The following COL4A4 variants were observed in gnomAD, a reference collection of about 807,000 sequenced individuals.
COL4A4 encodes collagen type IV alpha 4 chain.
In COL4A4, 105 loss-of-function variants were observed where a neutral mutation model predicts 192.9. The observed-to-expected ratio is 0.54, with a 90% CI of 0.46 to 0.64. The LOEUF is 0.64. COL4A4 is among the 30% of genes least tolerant of loss of function. The pLI is 0.00. For missense variants in COL4A4, 1,967 were observed against 2,169.3 expected (o/e 0.91, Z 1.85); for synonymous variants, 762 against 769.9 (o/e 0.99, Z 0.17).
At chr2:227,152,705 G>C (rs1353925763) in intron 1 of COL4A4, among the ~76,000 whole-genome samples, 1 of 152,162 alleles carries the variant, frequency 6.6e-6, no homozygotes, top group African/African-American at 2.4e-5. Context: ...TTTCTTTGTT[G>C]CAACCACCTG....
At chr2:227,144,015 G>A (rs1234918741) in intron 3 of COL4A4, among the ~76,000 whole-genome samples, 2 of 152,216 alleles carry the variant, frequency 1.3e-5, no homozygotes, top group Non-Finnish European at 2.9e-5. Context: ...ATAGGGTTAT[G>A]TTCACTAGAG....
intron 36 of COL4A4, 113 bp from the exon 37 acceptor site, chr2:227,042,368 T>A: frequency 1.4e-6 from 1 of 696,422 alleles, no homozygotes; most frequent in Non-Finnish European, 2.6e-6. Context: ...GTCTAATTAC[T>A]TTTTCTTCCT....
chr2:227,164,471 G>A (rs912546216), upstream of COL4A4: 4 of 567,596 alleles, frequency 7.0e-6, no homozygotes, highest in East Asian at 3.2e-5. This position sits in a 1 kb window ranked among gnomAD's most constrained non-coding sequence, Gnocchi z 4.8. Flanking sequence ...GGGTAGAAGG[G>A]ACACTGCCTG....
chr2:227,108,068 T>C (rs2060965623), intron 12 of COL4A4, among the ~76,000 whole-genome samples: 1 of 152,130 alleles, frequency 6.6e-6, no homozygotes. Context: ...TAAATCACTT[T>C]TCTAAAGCTT....
the COL4A4 span, chr2:226,988,464 G>A: frequency 6.5e-7 from 1 of 1,547,856 alleles, no homozygotes; most frequent in African/African-American, 1.4e-5. Context: ...CTTTGAGGCT[G>A]CAGGGTCCCT....
chr2:227,001,824 T>TTCTC (rs1173762021), downstream of COL4A4, among the ~76,000 whole-genome samples: 1 of 152,080 alleles, frequency 6.6e-6, no homozygotes, highest in African/African-American at 2.4e-5. Context: ...GTACCCTTAT[T>TTCTC]TCTCTATCAG....
At chr2:227,114,822 A>G in intron 7 of COL4A4, 126 bp from the exon 8 acceptor site, 1 of 760,832 alleles carries the variant, frequency 1.3e-6, no homozygotes, top group Non-Finnish European at 2.3e-6. Flanking sequence ...ACAAGAAGAC[A>G]TTTCTGTATC....
intron 12 of COL4A4, among the ~76,000 whole-genome samples, chr2:227,107,772 T>C (rs1265866134): frequency 3.3e-5 from 5 of 150,838 alleles, no homozygotes; most frequent in Admixed American, 2.0e-4. Flanking sequence ...TTTTTTTTTT[T>C]TTTTGAGACA....
downstream of COL4A4, among the ~76,000 whole-genome samples, chr2:227,000,393 T>C (rs1401962388): frequency 6.6e-6 from 1 of 152,240 alleles, no homozygotes; most frequent in Non-Finnish European, 1.5e-5. Flanking sequence ...GCAGACTGAC[T>C]GCTTGGGGAC....
intron 1 of COL4A4, among the ~76,000 whole-genome samples, chr2:227,157,232 G>A (rs1011637771): frequency 6.6e-6 from 1 of 151,988 alleles, no homozygotes. Context: ...GAAGAAATCA[G>A]AAAATGTTTT....
At chr2:227,068,062 A>G (rs1435862492) in intron 25 of COL4A4, among the ~76,000 whole-genome samples, 1 of 146,438 alleles carries the variant, frequency 6.8e-6, no homozygotes, top group Non-Finnish European at 1.5e-5. Context: ...CAGAAATACA[A>G]ACTACCATCA....
chr2:226,984,950 C>T, the COL4A4 span, among the ~76,000 whole-genome samples: 1 of 119,194 alleles, frequency 8.4e-6, no homozygotes, highest in Admixed American at 8.8e-5. Context: ...GGAGGAGGGG[C>T]AGAAGCAAAG....
At chr2:227,064,632 G>C (rs973864167) in intron 25 of COL4A4, among the ~76,000 whole-genome samples, 12 of 152,166 alleles carry the variant, frequency 7.9e-5, no homozygotes, top group Non-Finnish European at 1.8e-4. Flanking sequence ...AGAGCAGTGA[G>C]ACAAATGCAT....
rs1385121365 is a variant in COL4A4, at chr2:227,057,449, T to C, written c.2535A>G (p.Pro845=). 1.2e-6 allele frequency: 2 copies of C among 1,606,554 alleles called. No individual in the cohort carries two copies. The change falls in exon 29 of 48, where the codon CCA becomes CCG. Residue 845 remains proline (P), a synonymous_variant. Coordinates refer to ENST00000396625, the MANE Select transcript of COL4A4 (RefSeq NM_000092.5). The part of the protein sequence containing the change: ...IPGQPGLPGY[P]GSPGAPGGKG... ...GTTCTTGACACTTACCTGGGCTACC[T>C]GGATACCCAGGGAGTCCCGGTTGCC...
intron 25 of COL4A4, among the ~76,000 whole-genome samples, chr2:227,063,735 T>C (rs1977716860): frequency 6.6e-6 from 1 of 152,020 alleles, no homozygotes; most frequent in African/African-American, 2.4e-5. Flanking sequence ...TGGACAATGA[T>C]AGTTTAAATG....
chr2:227,021,488 A>G (rs1414384216), intron 44 of COL4A4, among the ~76,000 whole-genome samples: 1 of 152,166 alleles, frequency 6.6e-6, no homozygotes, highest in Non-Finnish European at 1.5e-5. Flanking sequence ...TACATCCAAA[A>G]GCTGGCCAAG....
At chr2:227,126,279 G>A (rs977089822) in intron 4 of COL4A4, among the ~76,000 whole-genome samples, 1 of 152,168 alleles carries the variant, frequency 6.6e-6, no homozygotes, top group African/African-American at 2.4e-5. Context: ...GGTATCCAGA[G>A]GGGAACTGGA....
chr2:227,028,845 T>G (rs2177599), intron 41 of COL4A4, among the ~76,000 whole-genome samples: 86,984 of 151,354 alleles, frequency 0.57, 25,392 homozygotes, highest in South Asian at 0.68. Context: ...TTTGTAGAGA[T>G]GGGGGTCTCA....
chr2:227,006,758 A>G lies in COL4A4; in HGVS notation c.*567T>C, dbSNP rs992928671. 1 of 153,110 alleles carries G rather than the reference A, an allele frequency of 6.5e-6. No homozygotes were observed. Among genetic ancestry groups the G allele is most frequent in the Non-Finnish European group, 1.4e-5 (1 of 69,282 alleles). The allele number at this position is 153,110 out of a possible 1,614,324, so 9.5% of individuals were successfully genotyped here. Reference sequence around the variant, plus strand: ...GGAACTGTTAACGCTGGCAGTGTGAATTTTTTTTTTTCTTCTTTAAAAAAA... The same window carrying G: ...GGAACTGTTAACGCTGGCAGTGTGAGTTTTTTTTTTTCTTCTTTAAAAAAA... On this transcript the variant is annotated 3_prime_UTR_variant, in exon 48 of 48. Transcript: ENST00000396625.
Sources: allele counts gnomAD v4.1 joint callset (sites outside exome capture counted in the v4.1 genomes callset), GRCh38; gene constraint gnomAD v4.1.1; non-coding constraint Gnocchi (gnomAD v3.1); transcripts MANE v1.5; gene names NCBI Gene and HGNC (gene_info 2026-07-23, HGNC 2026-07-21).